SLC28A2: variants seen among roughly 807,000 people sequenced by gnomAD.
The protein encoded by SLC28A2 is sodium/nucleoside cotransporter 2.
SLC28A2 carries 69 observed loss-of-function variants against 72.9 expected under a neutral mutation model. The observed-to-expected ratio is 0.95, with a 90% CI of 0.78 to 1.16. The LOEUF (loss-of-function observed/expected upper bound fraction) is 1.16. Ranked by LOEUF, SLC28A2 falls within the 50% of genes most tolerant of loss-of-function variation. The pLI is 0.00. For missense variants in SLC28A2, 745 were observed against 791.1 expected, an observed-to-expected ratio of 0.94 and a Z score of 0.70; for synonymous variants, 296 against 294.1, an observed-to-expected ratio of 1.01 and a Z score of -0.07.
rs200140846 is a variant in SLC28A2, at chr15:45,253,281, G to A, written c.66G>A (p.Pro22=). The A allele has an allele frequency of 1.4e-4, 227 of 1,612,400 alleles. No individual in the cohort carries two copies. The highest frequency in any genetic ancestry group is 3.5e-4 in the Admixed American group (21 of 59,984). Residue 22 remains proline, a synonymous_variant, in exon 2 of 18, where the codon CCG becomes CCA. Coordinates refer to ENST00000347644, the MANE Select transcript of SLC28A2 (RefSeq NM_004212.4). The part of the protein sequence containing the change: ...LSTVETGTVN[P]GLELMEKEVE... ...CAGTGGAGACTGGCACAGTGAACCC[G>A]GGGCTGGAGCTCATGGTAATCACCA... is the stretch of plus-strand genomic sequence containing the variant.
intron 3 of SLC28A2, among the ~76,000 whole-genome samples, chr15:45,254,593 A>C (rs766703951): frequency 2.0e-5 from 3 of 152,226 alleles, no homozygotes; most frequent in African/African-American, 4.8e-5. Context: ...AGATGTTAGC[A>C]TAATTATGAA....
Position 45,272,100 on chromosome 15 carries a change from G to A in SLC28A2, c.1649-195G>A, listed in dbSNP as rs1297197695. ...AATACTTGATCTGAGGAAAGTCTAA[G>A]TTAGTGATCCCTCAGGACTAATGTA... On this transcript the variant is annotated intron_variant, in intron 15 of 17. Coordinates refer to ENST00000347644, the MANE Select transcript of SLC28A2 (RefSeq NM_004212.4). 1.1e-5 allele frequency: 6 copies of A among 546,350 alleles called. No homozygotes were observed. The South Asian group carries it at 1.3e-4, about 12-fold the overall frequency. The allele number at this position is 546,350 out of a possible 1,614,324, so 33.8% of individuals were successfully genotyped here.
At position 45,276,768 on chromosome 15, in the gene SLC28A2, A is replaced by G. The variant is rs1009561219; in HGVS notation, c.*1255A>G. The G allele has an allele frequency of 2.0e-5, 3 of 152,208 alleles. No homozygotes were observed. Among genetic ancestry groups the G allele is most frequent in the Non-Finnish European group, 4.4e-5 (3 of 68,044 alleles). 9.4% of individuals were successfully genotyped at this position (152,208 alleles called of 1,614,324 possible). A position where few individuals can be genotyped will look rare whatever the true frequency, so the allele number is the denominator to read the frequency against. ...TTGAAAGGTATATGAATATTTAATG[A>G]TAAGATTTTTCTGGTTGTCAAACAT... is the stretch of plus-strand genomic sequence containing the variant. On this transcript the variant is annotated 3_prime_UTR_variant, in exon 18 of 18. Coordinates refer to ENST00000347644, the MANE Select transcript of SLC28A2 (RefSeq NM_004212.4).
At chr15:45,267,391 G>T in intron 10 of SLC28A2, 64 bp from the exon 11 acceptor site, 1 of 1,594,224 alleles carries the variant, frequency 6.3e-7, no homozygotes, top group Non-Finnish European at 8.6e-7. Context: ...TGGGGCTGGG[G>T]TGGGCACACT....
intron 3 of SLC28A2, among the ~76,000 whole-genome samples, chr15:45,255,725 C>G (rs1899956181): frequency 6.6e-6 from 1 of 152,066 alleles, no homozygotes; most frequent in South Asian, 2.1e-4. Context: ...ACACATACAG[C>G]AGACATGAAT....
In SLC28A2 at chr15:45,267,758, C is replaced by A; in HGVS notation, c.1161C>A (p.Ser387=). Reference sequence around the variant, plus strand: ...TAGCGTATCCGGAAGTGGAGGAGTCCAAGTTCAAGAGTGAGGAGGGGGTAA... The same window carrying A: ...TAGCGTATCCGGAAGTGGAGGAGTCAAAGTTCAAGAGTGAGGAGGGGGTAA... ...SKLAYPEVEE[S]KFKSEEGVKL... Residue 387 remains serine (S), a synonymous_variant, in exon 12 of 18, where the codon TCC becomes TCA. Transcript: ENST00000347644. 6.2e-7 allele frequency: 1 copy of A among 1,613,980 alleles called. No homozygotes were observed. Among genetic ancestry groups the A allele is most frequent in the South Asian group, 1.1e-5 (1 of 91,074 alleles).
At chr15:45,266,896 G>T (rs1034085123) in intron 10 of SLC28A2, among the ~76,000 whole-genome samples, 6 of 152,148 alleles carry the variant, frequency 3.9e-5, no homozygotes, top group Non-Finnish European at 7.3e-5. Flanking sequence ...GCAGTGCTAG[G>T]CACATAGTTG....
intron 3 of SLC28A2, chr15:45,255,411 T>G (rs2140558612): frequency 6.6e-6 from 1 of 152,328 alleles, no homozygotes; most frequent in East Asian, 1.9e-4. Context: ...TTGTGGTTGA[T>G]GTGGTCTCTG....
chr15:45,264,856 C>A, intron 7 of SLC28A2, 88 bp downstream of exon 7: 1 of 848,966 alleles, frequency 1.2e-6, no homozygotes, highest in Non-Finnish European at 2.0e-6. Flanking sequence ...TAGGCTGTAT[C>A]TTGTTAATGA....
intron 3 of SLC28A2, 44 bp downstream of exon 3, chr15:45,253,564 G>A: frequency 7.3e-7 from 1 of 1,374,560 alleles, no homozygotes; most frequent in African/African-American, 1.4e-5. Context: ...AAGGATCTAG[G>A]GTGGGCTGCC....
At chr15:45,272,149 C>G in intron 15 of SLC28A2, 146 bp from the exon 16 acceptor site, 1 of 630,460 alleles carries the variant, frequency 1.6e-6, no homozygotes, top group African/African-American at 1.8e-5. Context: ...TAGGGCAACA[C>G]TGGCCAGTCT....
chr15:45,265,164 C>T lies in SLC28A2; in HGVS notation c.778C>T (p.Gln260Ter), dbSNP rs749459724. ...DTLVKDVFAF[Q>*]ALPIIIFFGC... is the part of the protein sequence containing the mutation. ...ACTGGTCAAGGATGTCTTTGCTTTT[C>T]AGGTGATACCTATTTTATGGGCAGG... The change falls in exon 8 of 18, where the codon CAG (glutamine) becomes TAG (stop). Residue 260 changes from glutamine to a stop codon, truncating the protein, a stop_gained and splice_region_variant. Coordinates refer to ENST00000347644, the MANE Select transcript of SLC28A2 (RefSeq NM_004212.4). LOFTEE classifies it high-confidence loss of function. 6.3e-7 allele frequency: 1 copy of T among 1,587,998 alleles called. No homozygotes were observed. The highest frequency in any genetic ancestry group is 8.6e-7 in the Non-Finnish European group (1 of 1,156,358).
chr15:45,259,644 C>G (rs8039540), intron 3 of SLC28A2, among the ~76,000 whole-genome samples: 72,018 of 152,108 alleles, frequency 0.47, 20,739 homozygotes, highest in Non-Finnish European at 0.67. Context: ...TATTGAACAT[C>G]TATTATGGGC....
chr15:45,260,307 A>C (rs1313340500), intron 3 of SLC28A2, among the ~76,000 whole-genome samples: 1 of 152,232 alleles, frequency 6.6e-6, no homozygotes, highest in Non-Finnish European at 1.5e-5. Context: ...ATGGGAGTAC[A>C]TTGATGTAGT....
intron 14 of SLC28A2, among the ~76,000 whole-genome samples, 175 bp downstream of exon 14, chr15:45,269,710 G>A (rs984453114): frequency 3.9e-5 from 6 of 152,082 alleles, no homozygotes; most frequent in Non-Finnish European, 8.8e-5. Flanking sequence ...TGCAGCGCCT[G>A]AGCTATTATG....
chr15:45,269,220 G>A (rs1900457677), intron 13 of SLC28A2, 118 bp from the exon 14 acceptor site: 3 of 767,036 alleles, frequency 3.9e-6, no homozygotes, highest in Middle Eastern at 3.9e-4. Flanking sequence ...AGTAAGCCAA[G>A]AGAGAGCATG....
intron 3 of SLC28A2, among the ~76,000 whole-genome samples, chr15:45,256,577 T>C (rs888968386): frequency 6.6e-6 from 1 of 151,924 alleles, no homozygotes; most frequent in Admixed American, 6.6e-5. Flanking sequence ...CTAATTTTTT[T>C]TTTGTATTTT....
Position 45,274,538 on chromosome 15 carries a change from T to G in SLC28A2, c.1860-858T>G, listed in dbSNP as rs567415089. On this transcript the variant is annotated intron_variant, in intron 17 of 17. Coordinates refer to ENST00000347644, the MANE Select transcript of SLC28A2 (RefSeq NM_004212.4). ...AAACAAATAAAGATTTGGAAGTTAT[T>G]AAGTGGTCTGTTCACTACATAGCTA... Among the ~76,000 whole-genome samples, 5 of 152,228 alleles carry G rather than the reference T, an allele frequency of 3.3e-5. No homozygotes were observed. In the South Asian group the frequency reaches 6.2e-4, roughly 19 times the overall value.
intron 3 of SLC28A2, among the ~76,000 whole-genome samples, chr15:45,258,989 T>C (rs1900064155): frequency 6.6e-6 from 1 of 152,212 alleles, no homozygotes; most frequent in Non-Finnish European, 1.5e-5. Context: ...ATTGTCTCCA[T>C]TGTATGTGTG....
Sources: gnomAD v4.1 joint callset for allele counts (sites outside exome capture counted in the v4.1 genomes callset) on GRCh38, gnomAD v4.1.1 for gene constraint, MANE v1.5 for transcripts, NCBI Gene and HGNC (gene_info 2026-07-23, HGNC 2026-07-21) for gene names.